MSN: variants seen among roughly 807,000 people sequenced by gnomAD.
MSN encodes the protein moesin.
In MSN, 2 loss-of-function variants were observed where a neutral mutation model predicts 48.0. The ratio of observed to expected loss-of-function variants is 0.04; its 90% CI spans 0.02 to 0.13. The LOEUF (loss-of-function observed/expected upper bound fraction) is 0.13. Ranked by LOEUF, MSN falls within the 10% of genes least tolerant of loss-of-function variation. The pLI is 1.00. For missense variants in MSN, 267 were observed against 470.1 expected (o/e 0.57, Z 3.99); for synonymous variants, 146 against 166.9 (o/e 0.87, Z 0.97).
In MSN at chrX:65,631,782, C is replaced by T. The variant is rs55860350; in HGVS notation, c.-22+43170C>T. Among the ~76,000 whole-genome samples, 967 of 111,658 alleles carry T rather than the reference C, an allele frequency of 8.7e-3. 11 individuals are homozygous for T. The highest frequency in any genetic ancestry group is 0.029 in the African/African-American group (900 of 30,691). On this transcript the variant is annotated intron_variant, in intron 1 of 3. Coordinates refer to the MSN transcript ENST00000609672. ...CTCAACCTTCTGGGCTCAAGTGATC[C>T]TCTCACCTCAGCCTCTCAAGTAGCT...
At chrX:65,633,648 G>A (rs1253959792) in intron 1 of MSN, among the ~76,000 whole-genome samples, 1 of 111,985 alleles carries the variant, frequency 8.9e-6, no homozygotes, top group Non-Finnish European at 1.9e-5. Flanking sequence ...CTGGTCCGCT[G>A]TAAACTGGGC....
chrX:65,654,253 C>T (rs996784530), intron 1 of MSN, among the ~76,000 whole-genome samples: 2 of 108,234 alleles, frequency 1.8e-5, no homozygotes, highest in African/African-American at 6.7e-5. Flanking sequence ...CTACAGGCGC[C>T]CACCACCACA....
At chrX:65,670,945 T>C (rs1319228048) in intron 1 of MSN, among the ~76,000 whole-genome samples, 13 of 61,207 alleles carry the variant, frequency 2.1e-4, no homozygotes, top group Non-Finnish European at 2.9e-5. Flanking sequence ...TATATATATA[T>C]ATATATATAT....
At chrX:65,724,834 G>A (rs940393722) in intron 2 of MSN, among the ~76,000 whole-genome samples, 7 of 110,083 alleles carry the variant, frequency 6.4e-5, no homozygotes, top group Admixed American at 9.7e-5. Context: ...CTATAGGCAC[G>A]CACCACCATG....
In MSN at chrX:65,716,883, G is replaced by A. The variant is rs2071471719; in HGVS notation, c.78G>A (p.Gly26=). ...LEFAIQPNTT[G]KQLFDQVVKT... is the part of the protein sequence containing the mutation. ...TTGCCATCCAGCCCAACACCACCGG[G>A]AAGCAGCTATTTGACCAGGTAAGGC... is the stretch of plus-strand genomic sequence containing the variant. Residue 26 remains glycine (G), a synonymous_variant, in exon 2 of 13, where the codon GGG becomes GGA. Transcript: ENST00000360270. 2.5e-6 allele frequency: 3 copies of A among 1,207,466 alleles called. No homozygotes were observed. Among genetic ancestry groups the A allele is most frequent in the African/African-American group, 3.5e-5 (2 of 56,429 alleles).
intron 2 of MSN, among the ~76,000 whole-genome samples, chrX:65,717,811 AG>A (rs1364614256): frequency 5.4e-5 from 6 of 111,833 alleles, no homozygotes; most frequent in Admixed American, 4.7e-4. Context: ...TGGATTCTCC[AG>A]GCCCTCTTGC....
intron 10 of MSN, among the ~76,000 whole-genome samples, chrX:65,737,989 T>C (rs756914478): frequency 5.3e-5 from 6 of 112,410 alleles, no homozygotes; most frequent in Non-Finnish European, 1.1e-4. Context: ...TCCTTTGTAC[T>C]GTTGGAGGTG....
chrX:65,733,596 A>G (rs2071644686), intron 7 of MSN, among the ~76,000 whole-genome samples: 1 of 112,162 alleles, frequency 8.9e-6, no homozygotes, highest in African/African-American at 3.2e-5. Context: ...CTGGGGTGGA[A>G]ACCGAATGCA....
At chrX:65,662,723 C>A (rs1035715932), upstream of MSN, among the ~76,000 whole-genome samples, 2 of 112,124 alleles carry the variant, frequency 1.8e-5, no homozygotes, top group Non-Finnish European at 1.9e-5. Context: ...TGACATAGGC[C>A]TTGGTGAAAA....
intron 1 of MSN, among the ~76,000 whole-genome samples, chrX:65,712,900 G>A (rs930573423): frequency 9.0e-6 from 1 of 110,928 alleles, no homozygotes; most frequent in African/African-American, 3.3e-5. Context: ...TTAGCATATT[G>A]GTTTACATTG....
At chrX:65,648,142 G>T (rs1040560606) in intron 1 of MSN, among the ~76,000 whole-genome samples, 1 of 109,751 alleles carries the variant, frequency 9.1e-6, no homozygotes, top group Non-Finnish European at 1.9e-5. Context: ...GGGTGGGGGG[G>T]GCGTGAGGAA....
intron 4 of MSN, among the ~76,000 whole-genome samples, 174 bp from the exon 5 acceptor site, chrX:65,730,933 T>C (rs979681644): frequency 8.9e-6 from 1 of 112,251 alleles, no homozygotes; most frequent in African/African-American, 3.2e-5. Context: ...AGGCAATTCC[T>C]TGTGTCTAGT....
intron 1 of MSN, among the ~76,000 whole-genome samples, chrX:65,620,962 G>A (rs1376400377): frequency 1.9e-5 from 2 of 107,195 alleles, no homozygotes; most frequent in Admixed American, 2.0e-4. Context: ...GTCTCCCTCT[G>A]TCGCCCAGGC....
chrX:65,710,987 C>T (rs1469044795), intron 1 of MSN, among the ~76,000 whole-genome samples: 7 of 102,112 alleles, frequency 6.9e-5, no homozygotes, highest in Non-Finnish European at 1.0e-4. Context: ...TGGGTTCAAG[C>T]GATTCTCCTG....
intron 1 of MSN, among the ~76,000 whole-genome samples, chrX:65,638,281 A>C (rs1393631406): frequency 8.9e-6 from 1 of 112,081 alleles, no homozygotes; most frequent in Non-Finnish European, 1.9e-5. Context: ...TCTCACTGTG[A>C]TCTATGTGGA....
At position 65,741,027 on chromosome X, in the gene MSN, A is replaced by G. The variant is rs767290538; in HGVS notation, c.*1134A>G. 4.0e-4 allele frequency: 67 copies of G among 166,934 alleles called. No homozygotes were observed. Among genetic ancestry groups the G allele is most frequent in the African/African-American group, 1.7e-3 (56 of 33,313 alleles). 13.8% of individuals were successfully genotyped at this position (166,934 alleles called of 1,213,427 possible). ...TATGGTGAGAGAAGCCTGTGCCCTG[A>G]TCCAAGTTTACTCAACCCTCTCAGG... On this transcript the variant is annotated 3_prime_UTR_variant, in exon 13 of 13. Coordinates refer to ENST00000360270, the MANE Select transcript of MSN (RefSeq NM_002444.3).
At chrX:65,706,913 G>A (rs1227633433) in intron 1 of MSN, among the ~76,000 whole-genome samples, 1 of 111,849 alleles carries the variant, frequency 8.9e-6, no homozygotes, top group African/African-American at 3.3e-5. Context: ...CTCCAGGCAA[G>A]TTACTTGTAA....
At position 65,737,256 on chromosome X, in the gene MSN, C is replaced by A. The variant is rs1353567681; in HGVS notation, c.1169C>A (p.Ala390Asp). The change falls in exon 10 of 13, where the codon GCC becomes GAC. Residue 390 changes from alanine (A) to aspartate (D), a missense_variant. This residue lies in a region of MSN where 70 missense variants were observed against 76.3 expected (regional missense o/e 0.92). Transcript: ENST00000360270. ...GCCCAGAGCGAGGCTGAAAAGCTGGCCAAGGAGCGTCAAGAAGCTGAAGAG... is the reference window on the plus strand; with the variant it reads ...GCCCAGAGCGAGGCTGAAAAGCTGGACAAGGAGCGTCAAGAAGCTGAAGAG... ...KRAQSEAEKL[A>D]KERQEAEEAK... 8.3e-7 allele frequency: 1 copy of A among 1,210,739 alleles called. No individual in the cohort carries two copies. The highest frequency in any genetic ancestry group is 1.7e-5 in the African/African-American group (1 of 57,764).
At chrX:65,648,298 A>AGGC (rs2148373262) in intron 1 of MSN, among the ~76,000 whole-genome samples, 1 of 112,162 alleles carries the variant, frequency 8.9e-6, no homozygotes, top group South Asian at 3.7e-4. Flanking sequence ...CACGCCTGTA[A>AGGC]TCCCAGCACT....
Sources: gnomAD v4.1 joint callset for allele counts (sites outside exome capture counted in the v4.1 genomes callset) on GRCh38, gnomAD v4.1.1 for gene constraint, gnomAD v4.1.1 regional missense constraint, MANE v1.5 for transcripts, NCBI Gene and HGNC (gene_info 2026-07-23, HGNC 2026-07-21) for gene names.